The following HS3ST4 variants were observed in gnomAD, a reference collection of about 807,000 sequenced individuals.
HS3ST4 encodes heparan sulfate glucosamine 3-O-sulfotransferase 4.
A neutral mutation model predicts 29.2 loss-of-function variants in HS3ST4; 17 were observed. That is an observed-to-expected ratio of 0.58 (90% CI 0.40 to 0.87). The LOEUF is 0.87. Among genes scored for constraint, HS3ST4 ranks in the 40% least tolerant of loss-of-function variants. HS3ST4 has a pLI of 0.00. For synonymous variants in HS3ST4, 314 were observed against 285.7 expected (o/e 1.10, Z -1.00); for missense variants, 627 against 634.5 (o/e 0.99, Z 0.13).
intron 1 of HS3ST4, among the ~76,000 whole-genome samples, chr16:26,014,017 A>AAT (rs754383732): frequency 6.6e-5 from 10 of 151,222 alleles, no homozygotes; most frequent in Non-Finnish European, 1.3e-4. Context: ...AAAATAAATA[A>AAT]ATAAATAAAT....
intron 1 of HS3ST4, among the ~76,000 whole-genome samples, chr16:26,101,876 T>G (rs1039503463): frequency 6.6e-6 from 1 of 152,190 alleles, no homozygotes; most frequent in Non-Finnish European, 1.5e-5. Flanking sequence ...TCCCCCATCT[T>G]CTCTTTTCCA....
At chr16:25,886,715 T>C (rs1287764828) in intron 1 of HS3ST4, 2 of 152,198 alleles carry the variant, frequency 1.3e-5, no homozygotes, top group Non-Finnish European at 2.9e-5. Context: ...TGGCCTATTT[T>C]AGGGGAACTG....
At chr16:25,700,601 C>T (rs1046796058) in intron 1 of HS3ST4, among the ~76,000 whole-genome samples, 3 of 151,992 alleles carry the variant, frequency 2.0e-5, no homozygotes, top group Non-Finnish European at 4.4e-5. Context: ...TGAAAGATTG[C>T]TAGGGTTGTT....
intron 1 of HS3ST4, among the ~76,000 whole-genome samples, chr16:26,099,603 G>C (rs760635646): frequency 6.6e-6 from 1 of 152,168 alleles, no homozygotes; most frequent in African/African-American, 2.4e-5. Context: ...CTGAATACCT[G>C]TCATCATCAG....
Position 26,137,030 on chromosome 16 carries a change from A to C in HS3ST4, c.*782A>C, listed in dbSNP as rs1898293333. The stretch of plus-strand genomic sequence containing the variant: ...ATGCCCTTGTGTTCGGATCAGGCCC[A>C]CAGGGCTGCTCAAAGAGTAGAGTAA... On this transcript the variant is annotated 3_prime_UTR_variant, in exon 2 of 2. Coordinates refer to ENST00000331351, the MANE Select transcript of HS3ST4 (RefSeq NM_006040.3). 6.6e-6 allele frequency: 1 copy of C among 152,198 alleles called. No homozygotes were observed. Among genetic ancestry groups the C allele is most frequent in the Non-Finnish European group, 1.5e-5 (1 of 68,082 alleles). The allele number at this position is 152,198 out of a possible 1,614,324, so 9.4% of individuals were successfully genotyped here.
intron 1 of HS3ST4, among the ~76,000 whole-genome samples, chr16:25,991,400 AAG>A (rs1174174779): frequency 6.6e-6 from 1 of 152,194 alleles, no homozygotes; most frequent in Non-Finnish European, 1.5e-5. Context: ...GAAAGAAAAA[AAG>A]AGAGTTCCTC....
chr16:25,695,415 G>A lies in HS3ST4; in HGVS notation c.734+2264G>A, dbSNP rs889824052. On this transcript the variant is annotated intron_variant, in intron 1 of 1. Transcript: ENST00000331351. ...CCCAGCTCTGCTTTTGGGAAGACCC[G>A]TTGGACCCACAGGATCTGAGTGTGC... Among the ~76,000 whole-genome samples the A allele has an allele frequency of 3.9e-5, 6 of 152,218 alleles. No homozygotes were observed. The East Asian group carries it at 9.6e-4, about 24-fold the overall frequency.
intron 1 of HS3ST4, among the ~76,000 whole-genome samples, chr16:25,898,132 C>T (rs994313271): frequency 1.3e-5 from 2 of 152,172 alleles, no homozygotes; most frequent in South Asian, 4.1e-4. Context: ...CTTTCTTGCT[C>T]AATGTCTTCT....
chr16:25,827,796 G>C (rs1210250562), intron 1 of HS3ST4, among the ~76,000 whole-genome samples: 1 of 152,094 alleles, frequency 6.6e-6, no homozygotes, highest in African/African-American at 2.4e-5. Flanking sequence ...GTGCCAGATT[G>C]ATTTGTGAAT....
At chr16:25,807,770 G>A (rs1967003142) in intron 1 of HS3ST4, among the ~76,000 whole-genome samples, 1 of 152,164 alleles carries the variant, frequency 6.6e-6, no homozygotes, top group South Asian at 2.1e-4. Flanking sequence ...CGCTAGCAAT[G>A]TCTGAGTGAT....
chr16:26,025,036 T>A (rs1405168864), intron 1 of HS3ST4, among the ~76,000 whole-genome samples: 1 of 152,210 alleles, frequency 6.6e-6, no homozygotes, highest in East Asian at 1.9e-4. Context: ...TCCAACTTTT[T>A]TTTTTTACTA....
chr16:25,907,274 G>C (rs149383335), intron 1 of HS3ST4, among the ~76,000 whole-genome samples: 138 of 152,284 alleles, frequency 9.1e-4, no homozygotes, highest in Middle Eastern at 3.4e-3. Flanking sequence ...TGATGGAAGA[G>C]ATGAAAAGAC....
chr16:26,130,572 A>G (rs1899404017), intron 1 of HS3ST4, among the ~76,000 whole-genome samples: 1 of 152,248 alleles, frequency 6.6e-6, no homozygotes, highest in South Asian at 2.1e-4. Flanking sequence ...AGACATGGGA[A>G]CAAATCATAT....
chr16:26,058,738 G>T (rs1201177910), intron 1 of HS3ST4, among the ~76,000 whole-genome samples: 4 of 152,166 alleles, frequency 2.6e-5, no homozygotes, highest in African/African-American at 4.8e-5. Flanking sequence ...AGATACTCTG[G>T]AATCTTGGCT....
At chr16:25,781,916 C>T (rs1451689908) in intron 1 of HS3ST4, among the ~76,000 whole-genome samples, 2 of 152,036 alleles carry the variant, frequency 1.3e-5, no homozygotes, top group African/African-American at 2.4e-5. Flanking sequence ...CCTTACTGTA[C>T]AGAAAAACAA....
chr16:25,880,384 A>G (rs1967882236), intron 1 of HS3ST4, among the ~76,000 whole-genome samples: 1 of 152,190 alleles, frequency 6.6e-6, no homozygotes, highest in Non-Finnish European at 1.5e-5. Context: ...AGAGTGGCAG[A>G]TGCAAATGTG....
intron 1 of HS3ST4, among the ~76,000 whole-genome samples, chr16:26,015,905 A>G (rs1275655895): frequency 6.6e-6 from 1 of 152,188 alleles, no homozygotes; most frequent in African/African-American, 2.4e-5. Context: ...AGAGGCATTT[A>G]TCAAGGTATA....
chr16:26,034,670 G>GT (rs1969566982), intron 1 of HS3ST4, among the ~76,000 whole-genome samples: 1 of 110,584 alleles, frequency 9.0e-6, no homozygotes, highest in Non-Finnish European at 1.6e-5. Flanking sequence ...AGCAGGGGCG[G>GT]GGGGGGGTCT....
At chr16:25,940,771 G>C (rs1968564612) in intron 1 of HS3ST4, among the ~76,000 whole-genome samples, 1 of 152,190 alleles carries the variant, frequency 6.6e-6, no homozygotes, top group Admixed American at 6.5e-5. Flanking sequence ...CCAGGCAGAA[G>C]GTTTGCATTC....
Sources: allele counts gnomAD v4.1 joint callset (sites outside exome capture counted in the v4.1 genomes callset), GRCh38; gene constraint gnomAD v4.1.1; transcripts MANE v1.5; gene names NCBI Gene and HGNC (gene_info 2026-07-23, HGNC 2026-07-21).